The following FLT1 variants were observed in gnomAD, a reference collection of about 807,000 sequenced individuals.
FLT1 encodes vascular endothelial growth factor receptor 1.
In FLT1, 49 loss-of-function variants were observed where a neutral mutation model predicts 156.3. That is an observed-to-expected ratio of 0.31 (90% CI 0.25 to 0.40). The LOEUF (loss-of-function observed/expected upper bound fraction) is 0.40, where lower values mean the gene tolerates loss of function less well. FLT1 is among the 10% of genes least tolerant of loss of function. The pLI is 1.00. For missense variants in FLT1, 1,322 were observed against 1,637.2 expected, an observed-to-expected ratio of 0.81 and a Z score of 3.32; for synonymous variants, 594 against 583.8, an observed-to-expected ratio of 1.02 and a Z score of -0.25.
intron 11 of FLT1, among the ~76,000 whole-genome samples, chr13:28,402,165 GA>G (rs1168630492): frequency 1.3e-5 from 2 of 151,852 alleles, no homozygotes; most frequent in Non-Finnish European, 2.9e-5. Flanking sequence ...ACAAAACAAA[GA>G]AAAAAAATCC....
intron 13 of FLT1, chr13:28,386,758 T>C (rs910958198): frequency 9.5e-7 from 1 of 1,054,026 alleles, no homozygotes; most frequent in African/African-American, 1.7e-5. Flanking sequence ...AACATATCAG[T>C]GAAACATGAC....
At chr13:28,431,424 A>T (rs1486312449) in intron 6 of FLT1, 114 bp from the exon 7 acceptor site, 1 of 771,130 alleles carries the variant, frequency 1.3e-6, no homozygotes, top group East Asian at 2.6e-5. Context: ...GTTTTATACT[A>T]AGAATCATGT....
In FLT1 at chr13:28,389,842, T is replaced by C; in HGVS notation, c.1923A>G (p.Val641=). Residue 641 remains valine (V), a synonymous_variant, in exon 13 of 30, where the codon GTA becomes GTG. Transcript: ENST00000282397. ...TCTGGAGGATTTCTTCCCCTGTGTA[T>C]ACATTCCTGGCTCTGCAGGCATAGG... The part of the protein sequence containing the change: ...SGTYACRARN[V]YTGEEILQKK... 6.2e-7 allele frequency: 1 copy of C among 1,614,216 alleles called. No homozygotes were observed. The highest frequency in any genetic ancestry group is 8.5e-7 in the Non-Finnish European group (1 of 1,180,022).
intron 1 of FLT1, 42 bp downstream of exon 1, chr13:28,494,738 A>G: frequency 6.7e-7 from 1 of 1,502,164 alleles, no homozygotes; most frequent in Non-Finnish European, 9.0e-7. Flanking sequence ...CGGCCGCCCC[A>G]TCGCAGCCCG....
At chr13:28,478,802 C>T (rs1369691690) in intron 1 of FLT1, among the ~76,000 whole-genome samples, 2 of 152,146 alleles carry the variant, frequency 1.3e-5, no homozygotes. Flanking sequence ...GACAAGTGTG[C>T]ACCTTAGCAC....
intron 1 of FLT1, among the ~76,000 whole-genome samples, chr13:28,480,022 T>C (rs953127216): frequency 6.6e-6 from 1 of 152,184 alleles, no homozygotes; most frequent in Non-Finnish European, 1.5e-5. Context: ...AGGTGCCCAA[T>C]GCCGAAGCTG....
chr13:28,374,290 C>T (rs1322246746), intron 14 of FLT1, among the ~76,000 whole-genome samples: 3 of 151,956 alleles, frequency 2.0e-5, no homozygotes, highest in African/African-American at 4.8e-5. Flanking sequence ...TGGCATGTGA[C>T]TATAGTCCCA....
At chr13:28,384,850 A>T in intron 14 of FLT1, 35 bp downstream of exon 14, 1 of 1,604,558 alleles carries the variant, frequency 6.2e-7, no homozygotes, top group African/African-American at 1.3e-5. Context: ...ATGAAAGATG[A>T]GAAATAATAA....
chr13:28,316,918 C>G (rs976612954), intron 25 of FLT1, among the ~76,000 whole-genome samples: 1 of 152,136 alleles, frequency 6.6e-6, no homozygotes, highest in East Asian at 1.9e-4. Flanking sequence ...CCACTGCGCC[C>G]GGCCCCTATT....
At chr13:28,401,844 C>T (rs1387133791) in intron 11 of FLT1, among the ~76,000 whole-genome samples, 2 of 152,188 alleles carry the variant, frequency 1.3e-5, no homozygotes, top group Admixed American at 6.5e-5. Flanking sequence ...TCAAGGTACA[C>T]TCAGAAGGAT....
intron 10 of FLT1, among the ~76,000 whole-genome samples, chr13:28,423,733 A>G (rs1877150445): frequency 6.6e-6 from 1 of 152,234 alleles, no homozygotes; most frequent in African/African-American, 2.4e-5. Context: ...AGCTATAGAC[A>G]TGTGGAAGGC....
Position 28,312,361 on chromosome 13 carries a change from G to T in FLT1, c.3387-263C>A, listed in dbSNP as rs1013639298. On this transcript the variant is annotated intron_variant, in intron 25 of 29. Coordinates refer to ENST00000282397, the MANE Select transcript of FLT1 (RefSeq NM_002019.4). ...GAGCTCATGGATACCCAGGTTCTTT[G>T]TTGTGCCTGTGGCCTCTGCAGATGG... Among the ~76,000 whole-genome samples, 4 of 152,156 alleles carry T rather than the reference G, an allele frequency of 2.6e-5. No homozygotes were observed. In the South Asian group the frequency reaches 8.3e-4, roughly 32 times the overall value.
chr13:28,475,334 T>C (rs984056367), intron 1 of FLT1, among the ~76,000 whole-genome samples: 2 of 152,236 alleles, frequency 1.3e-5, no homozygotes, highest in African/African-American at 4.8e-5. Flanking sequence ...TCCGTTTATT[T>C]GAAATGAAAT....
At position 28,327,567 on chromosome 13, in the gene FLT1, A is replaced by G. The variant is rs747304164; in HGVS notation, c.2708-17T>C. 23 of 1,559,234 alleles carry G rather than the reference A, an allele frequency of 1.5e-5. 2 individuals are homozygous for G. Among genetic ancestry groups the G allele is most frequent in the South Asian group, 8.9e-5 (8 of 89,938 alleles). On this transcript the variant is annotated splice_polypyrimidine_tract_variant and intron_variant, in intron 19 of 29. Transcript: ENST00000282397. ...TCAGAGGCCCTGCAGCCAAAACAGC[A>G]CATGCTCATGCTCAGCCACACCAAG...
rs1013951937 is a variant in FLT1 at position 28,352,411 on chromosome 13, T to C, written c.2248+5143A>G. On this transcript the variant is annotated intron_variant, in intron 15 of 29. Coordinates refer to ENST00000282397, the MANE Select transcript of FLT1 (RefSeq NM_002019.4). Reference sequence around the variant, plus strand: ...TCGCAGAGCCCAGCACCAAGTTCCCTAGGCCTAACACCCACTTCTATGATA... The same window carrying C: ...TCGCAGAGCCCAGCACCAAGTTCCCCAGGCCTAACACCCACTTCTATGATA... 6.6e-5 allele frequency among the ~76,000 whole-genome samples: 10 copies of C among 152,326 alleles called. No individual in the cohort carries two copies. In the East Asian group the frequency reaches 1.7e-3, roughly 26 times the overall value.
rs973123297 is a variant in FLT1, at chr13:28,484,540, T to C, written c.64+10240A>G. ...AATGCCTACGATAAGAAAACTCACATGATTAAAATTCTGTCTTATTGGAGA... is the reference window on the plus strand; with the variant it reads ...AATGCCTACGATAAGAAAACTCACACGATTAAAATTCTGTCTTATTGGAGA... On this transcript the variant is annotated intron_variant, in intron 1 of 29. Transcript: ENST00000282397. 2.0e-5 allele frequency among the ~76,000 whole-genome samples: 3 copies of C among 152,146 alleles called. No homozygotes were observed. In the South Asian group the frequency reaches 6.2e-4, roughly 32 times the overall value.
At chr13:28,321,242 G>A (rs1341101507) in intron 23 of FLT1, among the ~76,000 whole-genome samples, 3 of 152,214 alleles carry the variant, frequency 2.0e-5, no homozygotes, top group African/African-American at 7.2e-5. Flanking sequence ...AAGGACAGGT[G>A]GGAGGCCAGG....
chr13:28,422,189 G>A (rs1877046465), intron 10 of FLT1, among the ~76,000 whole-genome samples: 1 of 152,186 alleles, frequency 6.6e-6, no homozygotes, highest in African/African-American at 2.4e-5. Flanking sequence ...AAGTTGCTTT[G>A]TAAGATGTCA....
At chr13:28,395,431 G>A (rs1874985790) in intron 12 of FLT1, among the ~76,000 whole-genome samples, 2 of 152,116 alleles carry the variant, frequency 1.3e-5, no homozygotes, top group Non-Finnish European at 2.9e-5. Flanking sequence ...TTGAAATGTG[G>A]CTACTGTGTC....
Sources: allele counts gnomAD v4.1 joint callset (sites outside exome capture counted in the v4.1 genomes callset), GRCh38; gene constraint gnomAD v4.1.1; transcripts MANE v1.5; gene names NCBI Gene and HGNC (gene_info 2026-07-23, HGNC 2026-07-21).